SPAG16: variants seen among roughly 807,000 people sequenced by gnomAD.
SPAG16 encodes sperm associated antigen 16, also known as sperm-associated antigen 16 protein.
SPAG16 carries 86 observed loss-of-function variants against 80.4 expected under a neutral mutation model. The observed-to-expected ratio is 1.07, with a 90% CI of 0.90 to 1.28. The LOEUF is 1.28. SPAG16 is among the 50% of genes most tolerant of loss of function. SPAG16 has a pLI of 0.00. For synonymous variants in SPAG16, 294 were observed against 265.9 expected (o/e 1.11, Z -1.03); for missense variants, 870 against 765.3 (o/e 1.14, Z -1.61).
chr2:213,625,377 T>G (rs1270122326), intron 10 of SPAG16, among the ~76,000 whole-genome samples: 1 of 152,072 alleles, frequency 6.6e-6, no homozygotes, highest in Non-Finnish European at 1.5e-5. Flanking sequence ...GATATGCTTG[T>G]TTCACATTGC....
chr2:214,094,847 A>G (rs983634332), intron 13 of SPAG16, among the ~76,000 whole-genome samples: 2 of 151,952 alleles, frequency 1.3e-5, no homozygotes, highest in African/African-American at 4.8e-5. Flanking sequence ...AGAGGAATGG[A>G]ATTTAAGGAG....
rs558587900 is a variant in SPAG16, at chr2:213,322,095, TAAA to T, written c.536+4745_536+4747del. On this transcript the variant is annotated intron_variant, in intron 5 of 15. Transcript: ENST00000331683. The stretch of plus-strand genomic sequence containing the variant: ...TAATAAAAATAAATAAATAAATAAA[TAAA>T]AAAAAGTAAAAAAAAAAGATTATAA... 9.2e-3 allele frequency among the ~76,000 whole-genome samples: 1,356 copies of T among 147,784 alleles called. 19 individuals carry two copies. Among genetic ancestry groups the T allele is most frequent in the Non-Finnish European group, 0.013 (846 of 66,874 alleles).
intron 10 of SPAG16, among the ~76,000 whole-genome samples, chr2:213,574,156 T>C (rs574173653): frequency 2.0e-5 from 3 of 152,340 alleles, no homozygotes; most frequent in African/African-American, 7.2e-5. Context: ...GGTTATATGC[T>C]ATCACTCTGT....
chr2:213,762,365 G>A (rs2068711887), intron 10 of SPAG16, among the ~76,000 whole-genome samples: 1 of 152,070 alleles, frequency 6.6e-6, no homozygotes, highest in African/African-American at 2.4e-5. Context: ...TAAATTATAT[G>A]TTATGTTCAT....
chr2:214,151,414 C>A (rs2055967415), intron 15 of SPAG16, among the ~76,000 whole-genome samples: 1 of 151,810 alleles, frequency 6.6e-6, no homozygotes, highest in Admixed American at 6.6e-5. Context: ...GCACATAGGT[C>A]TCTTCTAGTT....
chr2:213,412,077 T>C (rs538003971), intron 9 of SPAG16, among the ~76,000 whole-genome samples: 2 of 152,262 alleles, frequency 1.3e-5, no homozygotes, highest in South Asian at 2.1e-4. Context: ...TCTGATTACC[T>C]ACTCCACCCT....
chr2:213,451,519 G>C (rs2125576554), intron 9 of SPAG16, among the ~76,000 whole-genome samples: 1 of 152,306 alleles, frequency 6.6e-6, no homozygotes, highest in African/African-American at 2.4e-5. Context: ...TCATTGCCTG[G>C]GGTAAATGCC....
intron 15 of SPAG16, among the ~76,000 whole-genome samples, chr2:214,186,322 G>T (rs1168731258): frequency 1.3e-5 from 2 of 152,108 alleles, no homozygotes; most frequent in Non-Finnish European, 2.9e-5. Flanking sequence ...CCAGGTATAT[G>T]AAGGAAAGAT....
rs949066490 is a variant in SPAG16, at chr2:213,680,319, G to A, written c.1071-182166G>A. Among the ~76,000 whole-genome samples the A allele has an allele frequency of 2.6e-5, 4 of 152,052 alleles. No individual in the cohort carries two copies. In the East Asian group the frequency reaches 5.8e-4, roughly 22 times the overall value. On this transcript the variant is annotated intron_variant, in intron 10 of 15. Coordinates refer to ENST00000331683, the MANE Select transcript of SPAG16 (RefSeq NM_024532.5). ...GCATAATGGAGAAGGGAGCTTGTGC[G>A]TAAGCCATTTGAGTCCTTATTGGTT...
At chr2:213,315,293 C>T (rs1352555329) in intron 4 of SPAG16, among the ~76,000 whole-genome samples, 1 of 151,868 alleles carries the variant, frequency 6.6e-6, no homozygotes, top group East Asian at 1.9e-4. Context: ...TCCCACCTCC[C>T]TCTTTACCAC....
At chr2:214,029,721 T>C (rs1197529388) in intron 13 of SPAG16, among the ~76,000 whole-genome samples, 1 of 152,104 alleles carries the variant, frequency 6.6e-6, no homozygotes, top group Non-Finnish European at 1.5e-5. Flanking sequence ...TCCCTACTAA[T>C]TCAGCCTTCA....
intron 10 of SPAG16, among the ~76,000 whole-genome samples, chr2:213,837,338 G>A (rs922079579): frequency 6.6e-6 from 1 of 152,160 alleles, no homozygotes; most frequent in South Asian, 2.1e-4. Flanking sequence ...CCCAACACAT[G>A]TTAAAAGAAA....
intron 10 of SPAG16, among the ~76,000 whole-genome samples, chr2:213,854,065 GAAAC>G (rs1358211422): frequency 5.9e-5 from 9 of 152,176 alleles, no homozygotes; most frequent in Admixed American, 5.9e-4. Flanking sequence ...TATCATGAAA[GAAAC>G]AACCACAAAA....
intron 2 of SPAG16, 73 bp downstream of exon 2, chr2:213,296,183 T>C: frequency 5.3e-6 from 6 of 1,126,544 alleles, no homozygotes; most frequent in Admixed American, 1.8e-5. Flanking sequence ...CATTTTATTT[T>C]CTGAAACATG....
intron 9 of SPAG16, among the ~76,000 whole-genome samples, chr2:213,446,823 A>G (rs1281168840): frequency 6.6e-6 from 1 of 152,176 alleles, no homozygotes; most frequent in Non-Finnish European, 1.5e-5. Context: ...TGGGTTATAA[A>G]TACCCTCTGT....
Position 213,794,197 on chromosome 2 carries a change from T to C in SPAG16, c.1071-68288T>C, listed in dbSNP as rs143834911. ...TCGGAGAGTAGTTCTCCTGTTGTAT[T>C]CTAAAAAGACTCGCTGAATTTGAAA... On this transcript the variant is annotated intron_variant, in intron 10 of 15. Transcript: ENST00000331683. Among the ~76,000 whole-genome samples, 343 of 152,264 alleles carry C rather than the reference T, an allele frequency of 2.3e-3. 4 individuals are homozygous for C. The highest frequency in any genetic ancestry group is 7.9e-3 in the African/African-American group (329 of 41,574).
chr2:213,929,903 T>G (rs1379804900), intron 11 of SPAG16, 57 bp from the exon 12 acceptor site: 19 of 1,474,786 alleles, frequency 1.3e-5, no homozygotes, highest in Middle Eastern at 3.5e-4. Flanking sequence ...GAATGCAGTA[T>G]TCATAAAAAT....
intron 10 of SPAG16, among the ~76,000 whole-genome samples, chr2:213,667,236 T>C (rs373655792): frequency 5.2e-4 from 79 of 152,300 alleles, no homozygotes; most frequent in African/African-American, 1.8e-3. Flanking sequence ...ATGTTGGTGT[T>C]AAATAAAATA....
intron 10 of SPAG16, among the ~76,000 whole-genome samples, chr2:213,788,163 T>G (rs547919123): frequency 6.6e-6 from 1 of 152,080 alleles, no homozygotes; most frequent in South Asian, 2.1e-4. Context: ...TCCAAAAATT[T>G]AAGTACAAAT....
Sources: allele counts gnomAD v4.1 joint callset (sites outside exome capture counted in the v4.1 genomes callset), GRCh38; gene constraint gnomAD v4.1.1; transcripts MANE v1.5; gene names NCBI Gene and HGNC (gene_info 2026-07-23, HGNC 2026-07-21).